Variants in FBN1 observed in about 807,000 individuals in gnomAD.
The protein encoded by FBN1 is fibrillin 1.
In FBN1, 29 loss-of-function variants were observed where a neutral mutation model predicts 365.1. The observed-to-expected ratio is 0.08, with a 90% confidence interval of 0.06 to 0.11. FBN1 has a LOEUF of 0.11. FBN1 is among the 10% of genes least tolerant of loss of function. The pLI is 1.00. For missense variants in FBN1, 2,476 were observed against 3,703.2 expected, an observed-to-expected ratio of 0.67 and a Z score of 8.60; for synonymous variants, 1,210 against 1,270.5, an observed-to-expected ratio of 0.95 and a Z score of 1.01.
At chr15:48,474,743 A>G (rs1342660098) in intron 32 of FBN1, 93 bp from the exon 33 acceptor site, 2 of 1,529,704 alleles carry the variant, frequency 1.3e-6, no homozygotes, top group African/African-American at 2.7e-5. Context: ...CTTGCCTTCA[A>G]ACTTCCCATG....
chr15:48,449,319 T>C (rs919547429), intron 45 of FBN1, among the ~76,000 whole-genome samples: 3 of 152,232 alleles, frequency 2.0e-5, no homozygotes, highest in African/African-American at 4.8e-5. Flanking sequence ...TCAAATCCTA[T>C]GACTAAGATT....
At chr15:48,558,582 T>C (rs2044199570) in intron 6 of FBN1, among the ~76,000 whole-genome samples, 1 of 152,234 alleles carries the variant, frequency 6.6e-6, no homozygotes, top group Admixed American at 6.5e-5. Context: ...GGCAGAATTA[T>C]GAAAAAGCAA....
At chr15:48,581,584 C>T (rs1049815062) in intron 6 of FBN1, among the ~76,000 whole-genome samples, 1 of 152,098 alleles carries the variant, frequency 6.6e-6, no homozygotes, top group South Asian at 2.1e-4. Context: ...GACAAGCTCT[C>T]CTTGACAAAA....
intron 45 of FBN1, among the ~76,000 whole-genome samples, chr15:48,449,234 G>A (rs985384478): frequency 2.6e-5 from 4 of 152,164 alleles, no homozygotes; most frequent in South Asian, 4.1e-4. Flanking sequence ...ATTAATTGAA[G>A]TATTTTGTCT....
At chr15:48,418,107 G>T (rs1325425083) in intron 63 of FBN1, among the ~76,000 whole-genome samples, 4 of 152,200 alleles carry the variant, frequency 2.6e-5, no homozygotes, top group Non-Finnish European at 2.9e-5. Context: ...AGAGGGAGGA[G>T]AAATGATTTT....
chr15:48,536,527 TAAG>T (rs1054936508), intron 7 of FBN1, among the ~76,000 whole-genome samples: 13 of 152,234 alleles, frequency 8.5e-5, no homozygotes, highest in Admixed American at 3.3e-4. Flanking sequence ...ACGGGAAAAA[TAAG>T]AAGGCACCAA....
intron 2 of FBN1, among the ~76,000 whole-genome samples, chr15:48,638,795 T>G (rs1890147223): frequency 6.6e-6 from 1 of 152,158 alleles, no homozygotes; most frequent in Non-Finnish European, 1.5e-5. Context: ...GCAACCCTAT[T>G]CAGAGAGATT....
chr15:48,598,598 T>C (rs1431128468), intron 5 of FBN1, among the ~76,000 whole-genome samples: 5 of 152,174 alleles, frequency 3.3e-5, no homozygotes, highest in Non-Finnish European at 7.4e-5. Flanking sequence ...CCCACATCCC[T>C]TGCTGTGTCT....
intron 6 of FBN1, among the ~76,000 whole-genome samples, chr15:48,585,549 C>T (rs983522620): frequency 6.6e-6 from 1 of 152,116 alleles, no homozygotes; most frequent in African/African-American, 2.4e-5. Context: ...ATGTATTTAA[C>T]ATTTAAACAC....
intron 2 of FBN1, among the ~76,000 whole-genome samples, chr15:48,622,145 G>A (rs959424245): frequency 1.3e-5 from 2 of 152,114 alleles, no homozygotes; most frequent in African/African-American, 4.8e-5. Context: ...AAAGTGAAAA[G>A]TTTATTTTAA....
chr15:48,632,858 T>C (rs1890013356), intron 2 of FBN1, among the ~76,000 whole-genome samples: 1 of 152,192 alleles, frequency 6.6e-6, no homozygotes, highest in Non-Finnish European at 1.5e-5. Context: ...ACACCGACTA[T>C]GTGACCCTGG....
chr15:48,467,327 AG>A (rs1436941123), intron 38 of FBN1, among the ~76,000 whole-genome samples: 1 of 152,242 alleles, frequency 6.6e-6, no homozygotes, highest in African/African-American at 2.4e-5. Flanking sequence ...CAGCAAAAAA[AG>A]AATCCATACC....
rs554631037 is a variant in FBN1, at chr15:48,410,843, T to C, written c.*147A>G. ...CTAGGGTAGTCACCTGTACCTTGCT[T>C]TGGTAATACAAAGAATAGTGCTTAT... is the stretch of plus-strand genomic sequence containing the variant. On this transcript the variant is annotated 3_prime_UTR_variant, in exon 66 of 66. Transcript: ENST00000316623. The C allele has an allele frequency of 3.7e-6, 3 of 812,762 alleles. No individual in the cohort carries two copies. The highest frequency in any genetic ancestry group is 3.6e-4 in the Middle Eastern group (1 of 2,744). 50.3% of individuals were successfully genotyped at this position (812,762 alleles called of 1,614,324 possible).
At chr15:48,449,067 T>C (rs1232864751) in intron 45 of FBN1, among the ~76,000 whole-genome samples, 174 bp from the exon 46 acceptor site, 1 of 152,170 alleles carries the variant, frequency 6.6e-6, no homozygotes, top group Non-Finnish European at 1.5e-5. Context: ...CCAGGCATAG[T>C]CAGAGTATGT....
chr15:48,443,592 T>C (rs955825807), intron 49 of FBN1, among the ~76,000 whole-genome samples: 1 of 152,234 alleles, frequency 6.6e-6, no homozygotes, highest in African/African-American at 2.4e-5. Context: ...ATTGGATATA[T>C]AATAAAATTT....
At chr15:48,522,495 A>G (rs776442501) in intron 9 of FBN1, among the ~76,000 whole-genome samples, 10 of 152,194 alleles carry the variant, frequency 6.6e-5, no homozygotes, top group Non-Finnish European at 1.0e-4. Context: ...TTAAAGGAAT[A>G]TAAGGGTTAA....
At chr15:48,436,622 A>T (rs1202241446) in intron 53 of FBN1, among the ~76,000 whole-genome samples, 4 of 152,242 alleles carry the variant, frequency 2.6e-5, no homozygotes, top group Non-Finnish European at 5.9e-5. Context: ...GATTATGACC[A>T]TTAACAATTT....
chr15:48,453,316 A>T (rs2043216627), intron 44 of FBN1, among the ~76,000 whole-genome samples: 1 of 142,776 alleles, frequency 7.0e-6, no homozygotes, highest in African/African-American at 2.7e-5. Context: ...ACACACAAAA[A>T]AAAAGGAAAA....
intron 6 of FBN1, among the ~76,000 whole-genome samples, chr15:48,593,185 T>C (rs895349028): frequency 7.9e-5 from 12 of 152,340 alleles, no homozygotes; most frequent in African/African-American, 2.6e-4. Flanking sequence ...GATTGACTTA[T>C]TGGCTTAATG....
Sources: gnomAD v4.1 joint callset for allele counts (sites outside exome capture counted in the v4.1 genomes callset) on GRCh38, gnomAD v4.1.1 for gene constraint, MANE v1.5 for transcripts, NCBI Gene and HGNC (gene_info 2026-07-23, HGNC 2026-07-21) for gene names.